The following TWSG1 variants were observed in gnomAD, a reference collection of about 807,000 sequenced individuals.
TWSG1 encodes the protein twisted gastrulation BMP signaling modulator 1.
A neutral mutation model predicts 23.0 loss-of-function variants in TWSG1; 15 were observed. The observed-to-expected ratio is 0.65, with a 90% CI of 0.44 to 1.00. The LOEUF (loss-of-function observed/expected upper bound fraction) is 1.00. TWSG1 is among the 50% of genes least tolerant of loss of function. The probability of loss-of-function intolerance (pLI) is 0.00; values close to 1 mark genes in which losing one functional copy is unlikely to be tolerated. For missense variants in TWSG1, 242 were observed against 278.7 expected, an observed-to-expected ratio of 0.87 and a Z score of 0.94; for synonymous variants, 86 against 92.8, an observed-to-expected ratio of 0.93 and a Z score of 0.42.
intron 2 of TWSG1, among the ~76,000 whole-genome samples, chr18:9,345,888 T>C (rs1303708361): frequency 2.0e-5 from 3 of 152,238 alleles, no homozygotes; most frequent in Non-Finnish European, 2.9e-5. Flanking sequence ...GGTTCCCATA[T>C]ACCCATTCCC....
At chr18:9,358,192 C>T (rs1157944143) in intron 2 of TWSG1, among the ~76,000 whole-genome samples, 2 of 152,030 alleles carry the variant, frequency 1.3e-5, no homozygotes, top group East Asian at 3.9e-4. Context: ...CCCTTCTCTT[C>T]TCCTTGTGAC....
chr18:9,395,722 C>T (rs1172577904), intron 3 of TWSG1, among the ~76,000 whole-genome samples: 2 of 152,184 alleles, frequency 1.3e-5, no homozygotes, highest in African/African-American at 2.4e-5. Flanking sequence ...TGCACCACCA[C>T]ACCCAGCTAA....
At chr18:9,351,945 C>G (rs2040504179) in intron 2 of TWSG1, among the ~76,000 whole-genome samples, 1 of 152,188 alleles carries the variant, frequency 6.6e-6, no homozygotes, top group South Asian at 2.1e-4. Context: ...TGCTCCCAGC[C>G]TGTTCACTGT....
At chr18:9,335,129 G>A (rs906042215) in intron 1 of TWSG1, among the ~76,000 whole-genome samples, 8 of 152,134 alleles carry the variant, frequency 5.3e-5, no homozygotes, top group Non-Finnish European at 8.8e-5. Flanking sequence ...GCATCTCTGC[G>A]CCGCTTTGGT....
intron 2 of TWSG1, among the ~76,000 whole-genome samples, chr18:9,355,002 C>T (rs980701561): frequency 1.2e-4 from 18 of 151,916 alleles, no homozygotes; most frequent in African/African-American, 4.1e-4. Flanking sequence ...GTTGTCCAGG[C>T]TGGAGTGCAG....
At chr18:9,364,918 G>A (rs2040570859) in intron 3 of TWSG1, among the ~76,000 whole-genome samples, 1 of 135,748 alleles carries the variant, frequency 7.4e-6, no homozygotes, top group African/African-American at 2.5e-5. Context: ...CTACTACATA[G>A]TAGCTTAAAA....
At chr18:9,386,284 A>C (rs1487625915) in intron 3 of TWSG1, among the ~76,000 whole-genome samples, 5 of 151,796 alleles carry the variant, frequency 3.3e-5, no homozygotes, top group African/African-American at 1.2e-4. Context: ...ACATGGTGAA[A>C]CCGCGTCTGT....
chr18:9,351,527 T>A (rs1344513375), intron 2 of TWSG1, among the ~76,000 whole-genome samples: 1 of 152,170 alleles, frequency 6.6e-6, no homozygotes, highest in East Asian at 1.9e-4. Flanking sequence ...AGAACTGTCT[T>A]CTGCATTGCT....
chr18:9,358,394 A>G (rs2040536877), intron 2 of TWSG1, among the ~76,000 whole-genome samples: 1 of 152,172 alleles, frequency 6.6e-6, no homozygotes, highest in South Asian at 2.1e-4. Context: ...TTGACCAGCT[A>G]CAGTCTGTTT....
Position 9,381,562 on chromosome 18 carries a change from T to G in TWSG1, c.224-14718T>G, listed in dbSNP as rs7229276. On this transcript the variant is annotated intron_variant, in intron 3 of 4. Transcript: ENST00000262120. Reference sequence around the variant, plus strand: ...TATTATGTTAAGTTTTGCAAAAATATAGAAAAGAAAGCCATCTAGCATCTA... The same window carrying G: ...TATTATGTTAAGTTTTGCAAAAATAGAGAAAAGAAAGCCATCTAGCATCTA... Among the ~76,000 whole-genome samples, 908 of 152,310 alleles carry G rather than the reference T, an allele frequency of 6.0e-3. 16 individuals carry two copies. The highest frequency in any genetic ancestry group is 0.021 in the African/African-American group (859 of 41,556).
intron 3 of TWSG1, among the ~76,000 whole-genome samples, chr18:9,372,370 A>ACAAAT (rs150577923): frequency 6.7e-6 from 1 of 148,300 alleles, no homozygotes; most frequent in Non-Finnish European, 1.5e-5. Flanking sequence ...GTAATAAAAT[A>ACAAAT]AAAATAAAAT....
intron 3 of TWSG1, among the ~76,000 whole-genome samples, chr18:9,374,825 T>C (rs2040621489): frequency 6.6e-6 from 1 of 152,194 alleles, no homozygotes; most frequent in South Asian, 2.1e-4. Context: ...TTTGACCAAG[T>C]GGGATATATC....
chr18:9,361,184 C>T (rs2040550751), intron 3 of TWSG1, among the ~76,000 whole-genome samples: 2 of 152,078 alleles, frequency 1.3e-5, no homozygotes, highest in Admixed American at 6.5e-5. Context: ...AATCTTTTCA[C>T]CCTTGTATTA....
In TWSG1 at chr18:9,384,668, C is replaced by A. The variant is rs1473155855; in HGVS notation, c.224-11612C>A. ...TTCCCTTTTTTTTTTTTTTTGGAGA[C>A]AAAGTCTTGCTCTGTCGCCCGGGCT... On this transcript the variant is annotated intron_variant, in intron 3 of 4. Coordinates refer to ENST00000262120, the MANE Select transcript of TWSG1 (RefSeq NM_020648.6). 1.3e-4 allele frequency among the ~76,000 whole-genome samples: 19 copies of A among 142,622 alleles called. 1 individual carries two copies. Among genetic ancestry groups the A allele is most frequent in the Non-Finnish European group, 1.7e-4 (11 of 66,092 alleles). The allele number at this position is 142,622 out of a possible 152,430, so 93.6% of individuals were successfully genotyped here. A position where few individuals can be genotyped will look rare whatever the true frequency, so the allele number is the denominator to read the frequency against.
intron 3 of TWSG1, among the ~76,000 whole-genome samples, chr18:9,363,477 A>G (rs1021398265): frequency 1.3e-5 from 2 of 152,082 alleles, no homozygotes; most frequent in Non-Finnish European, 2.9e-5. Flanking sequence ...CTTCCCCCAC[A>G]ACCTTTTTGT....
At chr18:9,368,696 C>T (rs946799816) in intron 3 of TWSG1, among the ~76,000 whole-genome samples, 1 of 152,062 alleles carries the variant, frequency 6.6e-6, no homozygotes, top group African/African-American at 2.4e-5. Flanking sequence ...GCCTGTAATC[C>T]CAGCACTTTG....
intron 3 of TWSG1, among the ~76,000 whole-genome samples, chr18:9,379,860 A>G (rs865902672): frequency 1.3e-5 from 2 of 152,296 alleles, no homozygotes; most frequent in African/African-American, 4.8e-5. Flanking sequence ...TGAAGTTTTA[A>G]TATTGATTCT....
Position 9,399,793 on chromosome 18 carries a change from A to T in TWSG1, c.*266A>T, listed in dbSNP as rs2040754717. 1 of 267,760 alleles carries T rather than the reference A, an allele frequency of 3.7e-6. No individual in the cohort carries two copies. Among genetic ancestry groups the T allele is most frequent in the African/African-American group, 2.2e-5 (1 of 45,370 alleles). 16.6% of individuals were successfully genotyped at this position (267,760 alleles called of 1,614,324 possible). ...CATATGAGAAGCAGGTGCGCAGAGA[A>T]TTCCTTGAAAGATCTGAGGTTTTTA... is the stretch of plus-strand genomic sequence containing the variant. On this transcript the variant is annotated 3_prime_UTR_variant, in exon 5 of 5. Transcript: ENST00000262120.
At chr18:9,396,900 A>G in intron 4 of TWSG1, 1 of 283,202 alleles carries the variant, frequency 3.5e-6, no homozygotes, top group Non-Finnish European at 6.5e-6. Flanking sequence ...CTCTACTAAG[A>G]ATACAAAAAT....
Sources: gnomAD v4.1 joint callset for allele counts (sites outside exome capture counted in the v4.1 genomes callset) on GRCh38, gnomAD v4.1.1 for gene constraint, MANE v1.5 for transcripts, NCBI Gene and HGNC (gene_info 2026-07-23, HGNC 2026-07-21) for gene names.